FOXN3: variants seen among roughly 807,000 people sequenced by gnomAD.
The protein encoded by FOXN3 is forkhead box N3, also known as forkhead box protein N3.
FOXN3 carries 7 observed loss-of-function variants against 38.4 expected under a neutral mutation model. That is an observed-to-expected ratio of 0.18 (90% CI 0.10 to 0.34). FOXN3 has a LOEUF of 0.34. FOXN3 is among the 10% of genes least tolerant of loss of function. FOXN3 has a pLI of 1.00. For synonymous variants in FOXN3, 230 were observed against 242.2 expected (o/e 0.95, Z 0.47); for missense variants, 456 against 613.4 (o/e 0.74, Z 2.71).
At chr14:89,307,873 C>T (rs1182770083) in intron 3 of FOXN3, among the ~76,000 whole-genome samples, 1 of 152,190 alleles carries the variant, frequency 6.6e-6, no homozygotes, top group Non-Finnish European at 1.5e-5. Flanking sequence ...ATATAGGTAA[C>T]TTTTGTACAC....
intron 1 of FOXN3, among the ~76,000 whole-genome samples, chr14:89,512,468 A>G (rs1357299275): frequency 1.3e-5 from 2 of 152,186 alleles, no homozygotes; most frequent in East Asian, 3.9e-4. Flanking sequence ...AGGGGCAGAA[A>G]ATTGTGGGAA....
intron 1 of FOXN3, among the ~76,000 whole-genome samples, chr14:89,561,264 G>A (rs1895243825): frequency 6.6e-6 from 1 of 152,250 alleles, no homozygotes; most frequent in African/African-American, 2.4e-5. Context: ...CCAGGCTAGA[G>A]TGCAAGAGTG....
At chr14:89,425,511 G>A (rs999229247) in intron 1 of FOXN3, among the ~76,000 whole-genome samples, 9 of 147,832 alleles carry the variant, frequency 6.1e-5, no homozygotes, top group Non-Finnish European at 1.0e-4. Context: ...GGGATTACAG[G>A]CTTGTGCCAC....
At chr14:89,536,212 C>A (rs558705042) in intron 1 of FOXN3, among the ~76,000 whole-genome samples, 54 of 152,248 alleles carry the variant, frequency 3.5e-4, no homozygotes, top group African/African-American at 1.3e-3. Flanking sequence ...TCTGGTAGGC[C>A]TGGTTTCAAA....
At chr14:89,250,432 A>G (rs1885419975) in intron 4 of FOXN3, among the ~76,000 whole-genome samples, 1 of 152,212 alleles carries the variant, frequency 6.6e-6, no homozygotes, top group Non-Finnish European at 1.5e-5. Flanking sequence ...TCTAAAGTGG[A>G]GCATAAACAT....
chr14:89,594,977 C>T (rs1896029453), intron 1 of FOXN3, among the ~76,000 whole-genome samples: 1 of 152,222 alleles, frequency 6.6e-6, no homozygotes, highest in South Asian at 2.1e-4. Flanking sequence ...ATTGGGATTA[C>T]ACTGACTCTA....
intron 4 of FOXN3, among the ~76,000 whole-genome samples, chr14:89,213,573 G>A (rs1884168077): frequency 1.3e-5 from 2 of 152,066 alleles, no homozygotes; most frequent in South Asian, 4.1e-4. Context: ...ATTGTTTCTT[G>A]CACCTTATCA....
chr14:89,575,442 G>A (rs1202419731), intron 1 of FOXN3, among the ~76,000 whole-genome samples: 3 of 152,154 alleles, frequency 2.0e-5, no homozygotes, highest in Non-Finnish European at 4.4e-5. Flanking sequence ...TCAAGCGACG[G>A]GGGCTGGACA....
chr14:89,445,968 G>A (rs1892484556), intron 1 of FOXN3, among the ~76,000 whole-genome samples: 1 of 150,670 alleles, frequency 6.6e-6, no homozygotes, highest in South Asian at 2.1e-4. Flanking sequence ...GGGGGTGGAG[G>A]ACATGCACCT....
chr14:89,314,258 T>C (rs565797133), intron 3 of FOXN3, among the ~76,000 whole-genome samples: 1 of 152,328 alleles, frequency 6.6e-6, no homozygotes, highest in African/African-American at 2.4e-5. Flanking sequence ...ATTGACTTAA[T>C]AATTAGAAAA....
At chr14:89,429,061 C>T (rs1168535157) in intron 1 of FOXN3, among the ~76,000 whole-genome samples, 1 of 152,200 alleles carries the variant, frequency 6.6e-6, no homozygotes, top group Admixed American at 6.5e-5. Context: ...GCAGCTGCAA[C>T]AGTTCGCTTT....
rs1001777486 is a variant in FOXN3, at chr14:89,173,232, G to C, written c.851+7469C>G. ...ACTGTGCAACATCTTTAGTAAAAAG[G>C]GAAATATAAATTAAAGTACAATGAG... On this transcript the variant is annotated intron_variant, in intron 5 of 5. Coordinates refer to ENST00000557258, the MANE Select transcript of FOXN3 (RefSeq NM_005197.4). Among the ~76,000 whole-genome samples, 75 of 152,256 alleles carry C rather than the reference G, an allele frequency of 4.9e-4. 1 individual carries two copies. The highest frequency in any genetic ancestry group is 1.8e-3 in the African/African-American group (75 of 41,542).
intron 2 of FOXN3, among the ~76,000 whole-genome samples, chr14:89,359,971 C>A (rs565494197): frequency 1.3e-5 from 2 of 152,308 alleles, no homozygotes; most frequent in South Asian, 4.1e-4. Context: ...ATACTTGTAA[C>A]TTTATAGAGA....
intron 2 of FOXN3, among the ~76,000 whole-genome samples, chr14:89,382,128 C>T (rs1890665007): frequency 1.3e-5 from 2 of 152,066 alleles, no homozygotes; most frequent in African/African-American, 4.8e-5. Flanking sequence ...AGACTTAAAC[C>T]TAGATTCTTA....
rs10588872 is a variant in FOXN3 at position 89,537,441 on chromosome 14, T to TTGGATGGA, written c.-15+81579_-15+81586dup. Among the ~76,000 whole-genome samples, 1,438 of 149,694 alleles carry TTGGATGGA rather than the reference T, an allele frequency of 9.6e-3. 9 individuals are homozygous for TTGGATGGA. Among genetic ancestry groups the TTGGATGGA allele is most frequent in the Non-Finnish European group, 0.014 (929 of 67,420 alleles). On this transcript the variant is annotated intron_variant, in intron 1 of 6. Coordinates refer to the FOXN3 transcript ENST00000345097. ...CCAATTTAGAGGATTCCATGAAATG[T>TTGGATGGA]TGGATGGATGGATGGATGGATGGAT... is the stretch of plus-strand genomic sequence containing the variant.
At chr14:89,555,322 C>T (rs1027274153) in intron 1 of FOXN3, among the ~76,000 whole-genome samples, 2 of 152,118 alleles carry the variant, frequency 1.3e-5, no homozygotes, top group Non-Finnish European at 2.9e-5. Context: ...ATTTGCTTCC[C>T]GTGAAGAAAT....
At chr14:89,604,206 A>AACACACACAC (rs58288291) in intron 1 of FOXN3, among the ~76,000 whole-genome samples, 51 of 146,792 alleles carry the variant, frequency 3.5e-4, no homozygotes, top group African/African-American at 1.2e-3. Flanking sequence ...AGCAAAACAA[A>AACACACACAC]ACACACACAC....
chr14:89,564,863 C>T (rs1895319514), intron 1 of FOXN3, among the ~76,000 whole-genome samples: 2 of 151,932 alleles, frequency 1.3e-5, no homozygotes, highest in African/African-American at 2.4e-5. Context: ...GAGGCCTTGA[C>T]GGGTGGATCA....
chr14:89,552,105 T>G (rs1003954626), intron 1 of FOXN3, among the ~76,000 whole-genome samples: 1 of 152,190 alleles, frequency 6.6e-6, no homozygotes, highest in African/African-American at 2.4e-5. Flanking sequence ...GCCTTGAGAT[T>G]TATCTTTCTT....
Sources: gnomAD v4.1 joint callset for allele counts (sites outside exome capture counted in the v4.1 genomes callset) on GRCh38, gnomAD v4.1.1 for gene constraint, MANE v1.5 for transcripts, NCBI Gene and HGNC (gene_info 2026-07-23, HGNC 2026-07-21) for gene names.